SLC13A5: variants seen among roughly 807,000 people sequenced by gnomAD.
The protein encoded by SLC13A5 is Na(+)/citrate cotransporter.
Under a neutral mutation model 56.5 loss-of-function variants are expected in SLC13A5, and 25 were observed. The observed-to-expected ratio is 0.44, with a 90% confidence interval of 0.32 to 0.62. The LOEUF (loss-of-function observed/expected upper bound fraction) is 0.62, where lower values mean the gene tolerates loss of function less well. Ranked by LOEUF, SLC13A5 falls within the 20% of genes least tolerant of loss-of-function variation. The pLI, the probability that SLC13A5 is intolerant of heterozygous loss-of-function variation, is 0.04. For missense variants in SLC13A5, 649 were observed against 737.8 expected, an observed-to-expected ratio of 0.88 and a Z score of 1.39; for synonymous variants, 307 against 301.5, an observed-to-expected ratio of 1.02 and a Z score of -0.19.
intron 4 of SLC13A5, 78 bp from the exon 5 acceptor site, chr17:6,703,216 G>A (rs1284129497): frequency 1.3e-6 from 2 of 1,555,780 alleles, no homozygotes; most frequent in Non-Finnish European, 8.8e-7. Context: ...CTCTGCTGCT[G>A]ACCTGAGGAT....
At position 6,685,937 on chromosome 17, in the gene SLC13A5, C is replaced by A; in HGVS notation, c.*270G>T. On this transcript the variant is annotated 3_prime_UTR_variant, in exon 12 of 12. Transcript: ENST00000433363. The surrounding 1 kb of genome is among the most constrained non-coding windows in gnomAD (Gnocchi z 4.2). ...CTGATCCCTCGGCTACCTGGCCTCC[C>A]TCACAGAGATAATGGCAAGGCTTGG... is the stretch of plus-strand genomic sequence containing the variant. 1 of 460,462 alleles carries A rather than the reference C, an allele frequency of 2.2e-6. No homozygotes were observed. Among genetic ancestry groups the A allele is most frequent in the East Asian group, 4.0e-5 (1 of 25,040 alleles). 28.5% of individuals were successfully genotyped at this position (460,462 alleles called of 1,614,324 possible).
chr17:6,687,791 T>G lies in SLC13A5; in HGVS notation c.1438-125A>C. The G allele has an allele frequency of 8.1e-7, 1 of 1,238,096 alleles. No individual in the cohort carries two copies. The highest frequency in any genetic ancestry group is 1.9e-5 in the South Asian group (1 of 51,388). The allele number at this position is 1,238,096 out of a possible 1,614,324, so 76.7% of individuals were successfully genotyped here. On this transcript the variant is annotated intron_variant, in intron 10 of 11. Transcript: ENST00000433363. The surrounding 1 kb of genome is among the most constrained non-coding windows in gnomAD (Gnocchi z 5.0). ...ACCTCTGTGCCTCAGTCTTGGTTCC[T>G]CTCCCTTTTGCCACGTCTCTGGCAG...
At chr17:6,697,072 C>A (rs1011211786) in intron 6 of SLC13A5, among the ~76,000 whole-genome samples, 1 of 152,120 alleles carries the variant, frequency 6.6e-6, no homozygotes, top group African/African-American at 2.4e-5. Flanking sequence ...CCCTGCTGGG[C>A]AAGGCCGTGT....
intron 10 of SLC13A5, chr17:6,689,502 G>T (rs941766255): frequency 1.3e-5 from 2 of 152,220 alleles, no homozygotes; most frequent in African/African-American, 4.8e-5. Flanking sequence ...CATTTGCCTG[G>T]TTGGAACCCT....
rs796267501 is a variant in SLC13A5, at chr17:6,709,891, G to T, written c.103-2735C>A. ...TTGTTGTGGGAGCTGTGCACTGCAG[G>T]GTGTTTAGAGCACCGCTGGCCTCCA... On this transcript the variant is annotated intron_variant, in intron 1 of 11. Transcript: ENST00000433363. Among the ~76,000 whole-genome samples the T allele has an allele frequency of 6.6e-5, 10 of 152,292 alleles. No individual in the cohort carries two copies. The South Asian group carries it at 1.0e-3, about 16-fold the overall frequency.
At position 6,693,312 on chromosome 17, in the gene SLC13A5, A is replaced by C; in HGVS notation, c.1157-150T>G. ...GACAATGAGGTACCATCTCCTACTTATAAATTAGCTAAAGTTTACAATAAT... is the reference window on the plus strand; with the variant it reads ...GACAATGAGGTACCATCTCCTACTTCTAAATTAGCTAAAGTTTACAATAAT... On this transcript the variant is annotated intron_variant, in intron 8 of 11. Transcript: ENST00000433363. 3 of 589,240 alleles carry C rather than the reference A, an allele frequency of 5.1e-6. No homozygotes were observed. The South Asian group carries it at 6.5e-5, about 13-fold the overall frequency. 36.5% of individuals were successfully genotyped at this position (589,240 alleles called of 1,614,324 possible).
chr17:6,708,486 G>A (rs1042017101), intron 1 of SLC13A5, among the ~76,000 whole-genome samples: 2 of 152,144 alleles, frequency 1.3e-5, no homozygotes, highest in Admixed American at 6.5e-5. Context: ...ATGCGTAAGC[G>A]AAACAACATA....
rs1409050294 is a variant in SLC13A5 at position 6,707,091 on chromosome 17, C to T, written c.168G>A (p.Leu56=). The T allele has an allele frequency of 4.3e-6, 7 of 1,613,958 alleles. No homozygotes were observed. In the East Asian group the frequency reaches 1.3e-4, roughly 31 times the overall value. Reference sequence around the variant, plus strand: ...AGACAGGCATGAGAGAGGTGACAGCCAGAGGGATGACTTCTGTGCACCAGT... The same window carrying T: ...AGACAGGCATGAGAGAGGTGACAGCTAGAGGGATGACTTCTGTGCACCAGT... ...AIYWCTEVIP[L]AVTSLMPVLL... Residue 56 remains leucine (L), a synonymous_variant, in exon 2 of 12, where the codon CTG becomes CTA. Coordinates refer to ENST00000433363, the MANE Select transcript of SLC13A5 (RefSeq NM_177550.5).
intron 10 of SLC13A5, chr17:6,689,342 T>G (rs1290887911): frequency 6.6e-6 from 1 of 152,262 alleles, no homozygotes; most frequent in African/African-American, 2.4e-5. Flanking sequence ...CACACTCCTC[T>G]GCAGCCCAGC....
Position 6,707,147 on chromosome 17 carries a change from A to C in SLC13A5, c.112T>G (p.Cys38Gly), listed in dbSNP as rs1431018518. Residue 38 changes from cysteine to glycine, a missense_variant, in exon 2 of 12, where the codon TGT (cysteine) becomes GGT (glycine). Physicochemically the swap from Cys to Gly is radical, Grantham distance 159. Coordinates refer to ENST00000433363, the MANE Select transcript of SLC13A5 (RefSeq NM_177550.5). ...VILMPAKFVR[C>G]AYVIILMAIY... is the part of the protein sequence containing the mutation. ...GCCATGAGGATGATGACGTAGGCAC[A>C]CCTGACAAACTGAAGAGACAGTCCT... 1 of 1,613,822 alleles carries C rather than the reference A, an allele frequency of 6.2e-7. No individual in the cohort carries two copies. The highest frequency in any genetic ancestry group is 1.3e-5 in the African/African-American group (1 of 74,908).
At chr17:6,691,077 T>C in intron 9 of SLC13A5, 137 bp from the exon 10 acceptor site, 1 of 940,526 alleles carries the variant, frequency 1.1e-6, no homozygotes, top group East Asian at 2.7e-5. Context: ...ATTCCCACCA[T>C]TTTCATCCCC....
At chr17:6,700,589 C>T (rs999675361) in intron 6 of SLC13A5, among the ~76,000 whole-genome samples, 4 of 152,214 alleles carry the variant, frequency 2.6e-5, no homozygotes, top group Non-Finnish European at 5.9e-5. Context: ...CTCTTCCTCC[C>T]TGTGCTGGGA....
intron 7 of SLC13A5, 46 bp downstream of exon 7, chr17:6,695,680 C>A (rs145781405): frequency 1.3e-6 from 2 of 1,598,704 alleles, no homozygotes; most frequent in East Asian, 2.2e-5. Context: ...TGTGAGCCAA[C>A]GCGCCTGGCC....
At chr17:6,700,912 G>A in intron 6 of SLC13A5, 92 bp downstream of exon 6, 1 of 1,569,042 alleles carries the variant, frequency 6.4e-7, no homozygotes, top group Non-Finnish European at 8.7e-7. Flanking sequence ...AGACACGAAG[G>A]ACTTTGTAAA....
intron 1 of SLC13A5, among the ~76,000 whole-genome samples, chr17:6,710,055 C>T (rs16956192): frequency 0.1 from 15,781 of 152,196 alleles, 883 homozygotes; most frequent in Non-Finnish European, 0.12. Flanking sequence ...GAACTAAAGG[C>T]GGAACAGCAG....
rs147101707 is a variant in SLC13A5 at position 6,706,142 on chromosome 17, G to A, written c.368+500C>T. On this transcript the variant is annotated intron_variant, in intron 3 of 11. Transcript: ENST00000433363. Reference sequence around the variant, plus strand: ...GAAATGGCTAGCTAGATTGGCAGGAGAGATCCTGGAAATGGAGAGAGAAGC... The same window carrying A: ...GAAATGGCTAGCTAGATTGGCAGGAAAGATCCTGGAAATGGAGAGAGAAGC... Among the ~76,000 whole-genome samples, 4 of 152,312 alleles carry A rather than the reference G, an allele frequency of 2.6e-5. No individual in the cohort carries two copies. The East Asian group carries it at 7.7e-4, about 29-fold the overall frequency.
chr17:6,699,533 T>C (rs1156966403), intron 6 of SLC13A5, among the ~76,000 whole-genome samples: 1 of 152,180 alleles, frequency 6.6e-6, no homozygotes, highest in Non-Finnish European at 1.5e-5. Flanking sequence ...TGCAGTGGCA[T>C]GATCTTGGCT....
At chr17:6,689,712 C>T (rs931057167) in intron 10 of SLC13A5, 1 of 152,170 alleles carries the variant, frequency 6.6e-6, no homozygotes, top group African/African-American at 2.4e-5. Flanking sequence ...ACACTTTCAT[C>T]TTCACTTGGA....
chr17:6,686,315 G>C lies in SLC13A5; in HGVS notation c.1599C>G (p.Asn533Lys). 6.2e-7 allele frequency: 1 copy of C among 1,614,126 alleles called. No individual in the cohort carries two copies. The highest frequency in any genetic ancestry group is 1.1e-5 in the South Asian group (1 of 91,090). The change falls in exon 12 of 12, where the codon AAC (asparagine) becomes AAG (lysine). Residue 533 changes from asparagine (N) to lysine (K), a missense_variant. Asn to Lys is a moderately conservative substitution (Grantham distance 94). Transcript: ENST00000433363. Reference sequence around the variant, plus strand: ...AAAACACACAGAAGACTCCAATTATGTTCATTATGACTCCTGTTTTCACCT... The same window carrying C: ...AAAACACACAGAAGACTCCAATTATCTTCATTATGACTCCTGTTTTCACCT... ...ADMVKTGVIM[N>K]IIGVFCVFLA...
Sources: gnomAD v4.1 joint callset for allele counts (sites outside exome capture counted in the v4.1 genomes callset) on GRCh38, gnomAD v4.1.1 for gene constraint, Gnocchi (gnomAD v3.1) non-coding constraint, MANE v1.5 for transcripts, NCBI Gene and HGNC (gene_info 2026-07-23, HGNC 2026-07-21) for gene names.